AGTPBP1: variants seen among roughly 807,000 people sequenced by gnomAD.
AGTPBP1 encodes the protein cytosolic carboxypeptidase 1.
In AGTPBP1, 70 loss-of-function variants were observed where a neutral mutation model predicts 143.9. The observed-to-expected ratio is 0.49, with a 90% CI of 0.40 to 0.59. AGTPBP1 has a LOEUF of 0.59. AGTPBP1 is among the 20% of genes least tolerant of loss of function. The pLI is 0.00. For missense variants in AGTPBP1, 1,229 were observed against 1,464.5 expected (o/e 0.84, Z 2.62); for synonymous variants, 463 against 500.2 (o/e 0.93, Z 0.99).
chr9:85,654,877 A>G (rs62569178), intron 11 of AGTPBP1, among the ~76,000 whole-genome samples: 2,546 of 152,220 alleles, frequency 0.017, 25 homozygotes, highest in Middle Eastern at 0.054. Flanking sequence ...AAAGTACATA[A>G]GCTATCAAAT....
In AGTPBP1 at chr9:85,547,151, T is replaced by G. The variant is rs138412470; in HGVS notation, c.3639A>C (p.Glu1213Asp). The G allele has an allele frequency of 5.6e-3, 8,954 of 1,613,038 alleles. 44 individuals carry two copies. Among genetic ancestry groups the G allele is most frequent in the Middle Eastern group, 0.013 (79 of 6,058 alleles). The change falls in exon 26 of 26, where the codon GAA becomes GAC. Residue 1213 changes from glutamate to aspartate, a missense_variant. Around this residue, in one of 2 missense-constraint regions of AGTPBP1, gnomAD observed 486 missense variants for 652.3 expected, o/e 0.75. Coordinates refer to ENST00000357081, the MANE Select transcript of AGTPBP1 (RefSeq NM_001330701.2). ...TTGATAATTCAGAGTCAGAAAGTAC[T>G]TCTTCTTGAGCAGAAGGTTCATAAT... The part of the protein sequence containing the change: ...VGDYEPSAQE[E>D]VLSDSELSRT...
chr9:85,584,265 G>A (rs1047453306), intron 23 of AGTPBP1, among the ~76,000 whole-genome samples: 3 of 151,994 alleles, frequency 2.0e-5, no homozygotes, highest in Admixed American at 6.6e-5. Flanking sequence ...AAGGTCGTGT[G>A]GCAGAAATAT....
At chr9:85,548,602 G>A (rs1825854419) in intron 25 of AGTPBP1, among the ~76,000 whole-genome samples, 1 of 151,658 alleles carries the variant, frequency 6.6e-6, no homozygotes, top group Non-Finnish European at 1.5e-5. Context: ...AAAATATTTA[G>A]TATGAATCTG....
intron 9 of AGTPBP1, among the ~76,000 whole-genome samples, chr9:85,660,166 C>T (rs1053049615): frequency 6.6e-6 from 1 of 151,860 alleles, no homozygotes; most frequent in Admixed American, 6.6e-5. Context: ...GATGAGCTAG[C>T]TGTTAATTAT....
At chr9:85,757,253 G>C in the AGTPBP1 span, among the ~76,000 whole-genome samples, 3 of 152,060 alleles carry the variant, frequency 2.0e-5, no homozygotes, top group Admixed American at 1.3e-4. Context: ...TTTTAGTAGA[G>C]ACGGGGTTTC....
At chr9:85,688,245 T>C (rs1183230255) in intron 3 of AGTPBP1, among the ~76,000 whole-genome samples, 1 of 151,202 alleles carries the variant, frequency 6.6e-6, no homozygotes, top group Middle Eastern at 3.4e-3. Context: ...TTTAAAAATA[T>C]CAACAAAATT....
chr9:85,758,075 C>A, the AGTPBP1 span, among the ~76,000 whole-genome samples: 1 of 152,018 alleles, frequency 6.6e-6, no homozygotes, highest in African/African-American at 2.4e-5. Flanking sequence ...ATTTGGAAGC[C>A]CCCACTTAAA....
At chr9:85,702,757 G>A (rs1168979717) in intron 2 of AGTPBP1, among the ~76,000 whole-genome samples, 1 of 151,866 alleles carries the variant, frequency 6.6e-6, no homozygotes, top group African/African-American at 2.4e-5. Context: ...GATGGGAGGT[G>A]AAGGAAGACC....
the AGTPBP1 span, among the ~76,000 whole-genome samples, chr9:85,798,729 A>G: frequency 6.6e-6 from 1 of 152,150 alleles, no homozygotes; most frequent in Non-Finnish European, 1.5e-5. Flanking sequence ...GGTTTCTTCA[A>G]ATAAATGGAG....
chr9:85,623,404 T>A (rs774074719), intron 14 of AGTPBP1, among the ~76,000 whole-genome samples: 50 of 152,246 alleles, frequency 3.3e-4, no homozygotes, highest in Admixed American at 1.0e-3. Flanking sequence ...CCCATTTATA[T>A]TAGACTAGAT....
rs186265041 is a variant in AGTPBP1 at position 85,669,766 on chromosome 9, G to A, written c.569-188C>T. 2.7e-5 allele frequency among the ~76,000 whole-genome samples: 4 copies of A among 148,096 alleles called. No homozygotes were observed. In the East Asian group the frequency reaches 8.0e-4, roughly 30 times the overall value. Reference sequence around the variant, plus strand: ...TTTTGTTTTTGCTTTGTTATGGAAAGTGCAGGGAAATTCTGAAACGAGTTA... The same window carrying A: ...TTTTGTTTTTGCTTTGTTATGGAAAATGCAGGGAAATTCTGAAACGAGTTA... On this transcript the variant is annotated intron_variant, in intron 7 of 25. Coordinates refer to ENST00000357081, the MANE Select transcript of AGTPBP1 (RefSeq NM_001330701.2).
At chr9:85,753,022 T>C in the AGTPBP1 span, among the ~76,000 whole-genome samples, 6 of 152,004 alleles carry the variant, frequency 3.9e-5, no homozygotes, top group African/African-American at 1.4e-4. Context: ...CTCTAAAAAA[T>C]TTTTTTAAAC....
chr9:85,744,690 G>A (rs771569570), upstream of AGTPBP1, among the ~76,000 whole-genome samples: 6 of 152,204 alleles, frequency 3.9e-5, no homozygotes, highest in Non-Finnish European at 7.3e-5. Context: ...AATTCCTGGT[G>A]GCTCCACCCC....
chr9:85,674,366 T>C (rs1010359836), intron 6 of AGTPBP1, among the ~76,000 whole-genome samples: 2 of 151,864 alleles, frequency 1.3e-5, no homozygotes, highest in Non-Finnish European at 2.9e-5. Flanking sequence ...AAAATAAATA[T>C]GACCTAAAAC....
At chr9:85,695,976 G>C (rs920518967) in intron 2 of AGTPBP1, among the ~76,000 whole-genome samples, 4 of 151,982 alleles carry the variant, frequency 2.6e-5, no homozygotes, top group African/African-American at 9.7e-5. Context: ...CAAGTAGCTG[G>C]GATTACAGGC....
At chr9:85,689,944 A>ATATATATATATC (rs1248531347) in intron 3 of AGTPBP1, among the ~76,000 whole-genome samples, 2 of 137,710 alleles carry the variant, frequency 1.5e-5, no homozygotes, top group Non-Finnish European at 3.1e-5. Flanking sequence ...ATATATATAT[A>ATATATATATATC]TATCTTAAAG....
At chr9:85,752,288 A>C in the AGTPBP1 span, among the ~76,000 whole-genome samples, 1 of 152,236 alleles carries the variant, frequency 6.6e-6, no homozygotes, top group Admixed American at 6.5e-5. Flanking sequence ...AGTGCACTTC[A>C]TAAGACCATG....
the AGTPBP1 span, among the ~76,000 whole-genome samples, chr9:85,756,924 A>G: frequency 1.3e-5 from 2 of 151,306 alleles, no homozygotes; most frequent in Non-Finnish European, 2.9e-5. Context: ...CAAAAACTAG[A>G]ATAGTGGTTA....
intron 3 of AGTPBP1, among the ~76,000 whole-genome samples, chr9:85,691,543 G>GTGTTTC (rs1344020564): frequency 6.6e-6 from 1 of 150,684 alleles, no homozygotes; most frequent in African/African-American, 2.5e-5. Context: ...GAGGGTGTGT[G>GTGTTTC]TGTGTGTGTG....
Sources: allele counts gnomAD v4.1 joint callset (sites outside exome capture counted in the v4.1 genomes callset), GRCh38; gene constraint gnomAD v4.1.1; regional missense constraint gnomAD v4.1.1; transcripts MANE v1.5; gene names NCBI Gene and HGNC (gene_info 2026-07-23, HGNC 2026-07-21).